Variants in GBP6 observed in about 807,000 individuals in gnomAD.
The protein encoded by GBP6 is guanylate binding protein family member 6.
A neutral mutation model predicts 61.5 loss-of-function variants in GBP6; 54 were observed. That is an observed-to-expected ratio of 0.88 (90% CI 0.71 to 1.10). GBP6 has a LOEUF of 1.10. Ranked by LOEUF, GBP6 falls within the 50% of genes least tolerant of loss-of-function variation. The pLI is 0.00. For missense variants in GBP6, 748 were observed against 752.8 expected, an observed-to-expected ratio of 0.99 and a Z score of 0.07; for synonymous variants, 255 against 273.7, an observed-to-expected ratio of 0.93 and a Z score of 0.67.
intron 1 of GBP6, among the ~76,000 whole-genome samples, chr1:89,365,513 C>T (rs1025885180): frequency 4.6e-5 from 7 of 152,168 alleles, no homozygotes; most frequent in Non-Finnish European, 7.3e-5. Context: ...ACAGCAACAG[C>T]GTGCTTGAAC....
chr1:89,375,632 T>C (rs1460099408), intron 3 of GBP6, among the ~76,000 whole-genome samples: 2 of 152,202 alleles, frequency 1.3e-5, no homozygotes, highest in Non-Finnish European at 2.9e-5. Flanking sequence ...TTATATAAGT[T>C]CCTCATGTAT....
At position 89,366,650 on chromosome 1, in the gene GBP6, G is replaced by C. The variant is rs115639746; in HGVS notation, c.-23-1879G>C. On this transcript the variant is annotated intron_variant, in intron 1 of 10. Coordinates refer to ENST00000370456, the MANE Select transcript of GBP6 (RefSeq NM_198460.3). ...GCAGTAGCATAACACAGAGGAATAG[G>C]TTGCCCGATTATCCAGGCTTTTGTC... Among the ~76,000 whole-genome samples, 487 of 152,238 alleles carry C rather than the reference G, an allele frequency of 3.2e-3. 1 individual carries two copies. Among genetic ancestry groups the C allele is most frequent in the African/African-American group, 9.1e-3 (378 of 41,546 alleles).
rs192322127 is a variant in GBP6, at chr1:89,383,648, A to G, written c.1366-4A>G. 4.1e-5 allele frequency: 66 copies of G among 1,593,514 alleles called. No homozygotes were observed. In the East Asian group the frequency reaches 1.1e-3, roughly 26 times the overall value. ...AATCTAAGTGCTTTTTCTTCCTTCC[A>G]TAGGCAAAAGAGGTCTTCCAGAGGT... On this transcript the variant is annotated splice_region_variant and splice_polypyrimidine_tract_variant and intron_variant, in intron 8 of 10. Coordinates refer to ENST00000370456, the MANE Select transcript of GBP6 (RefSeq NM_198460.3).
At chr1:89,364,630 T>C (rs1296513629) in intron 1 of GBP6, among the ~76,000 whole-genome samples, 1 of 127,096 alleles carries the variant, frequency 7.9e-6, no homozygotes, top group African/African-American at 3.0e-5. Context: ...TGTGTGCGTG[T>C]GTGTGTGTGT....
chr1:89,365,053 C>T (rs1006034974), intron 1 of GBP6, among the ~76,000 whole-genome samples: 1 of 150,644 alleles, frequency 6.6e-6, no homozygotes, highest in African/African-American at 2.4e-5. Flanking sequence ...TCAACTCCCA[C>T]TTACCAGTTA....
Position 89,387,805 on chromosome 1 carries a change from C to T in GBP6, c.*2336C>T, listed in dbSNP as rs142903604. On this transcript the variant is annotated 3_prime_UTR_variant, in exon 11 of 11. Coordinates refer to ENST00000370456, the MANE Select transcript of GBP6 (RefSeq NM_198460.3). ...AAAATTAACCAAGTGTGGTGGCACACGCCTGTCATGCCAGCTACACAGGAG... is the reference window on the plus strand; with the variant it reads ...AAAATTAACCAAGTGTGGTGGCACATGCCTGTCATGCCAGCTACACAGGAG... 9.2e-5 allele frequency among the ~76,000 whole-genome samples: 14 copies of T among 152,294 alleles called. No homozygotes were observed. The highest frequency in any genetic ancestry group is 2.4e-4 in the African/African-American group (10 of 41,554).
rs747228403 is a variant in GBP6 at position 89,382,850 on chromosome 1, T to A, written c.1339T>A (p.Trp447Arg). Residue 447 changes from tryptophan (W) to arginine (R), a missense_variant, in exon 8 of 11, where the codon TGG (tryptophan) becomes AGG (arginine). Transcript: ENST00000370456. ...ETKERIEQDY[W>R]QVPRKGVKAK... is the part of the protein sequence containing the mutation. The stretch of plus-strand genomic sequence containing the variant: ...AAAGGAAAGGATTGAACAGGACTAT[T>A]GGCAAGTTCCCAGGAAAGGAGTAAA... The A allele has an allele frequency of 6.2e-7, 1 of 1,613,802 alleles. No homozygotes were observed. Among genetic ancestry groups the A allele is most frequent in the Admixed American group, 1.7e-5 (1 of 60,022 alleles).
intron 3 of GBP6, among the ~76,000 whole-genome samples, chr1:89,374,934 C>T (rs59519382): frequency 0.054 from 8,195 of 152,138 alleles, 488 homozygotes; most frequent in East Asian, 0.3. Context: ...CCCACACCCT[C>T]CCCTAATCCC....
rs1342609061 is a variant in GBP6, at chr1:89,387,109, A to G, written c.*1640A>G. 3.3e-5 allele frequency among the ~76,000 whole-genome samples: 5 copies of G among 152,314 alleles called. No individual in the cohort carries two copies. In the East Asian group the frequency reaches 9.6e-4, roughly 29 times the overall value. ...TGAGCTAATTTCAGACCCTGAACTC[A>G]GTTGGAGTGGAGGGCAGTACCCCAG... On this transcript the variant is annotated 3_prime_UTR_variant, in exon 11 of 11. Transcript: ENST00000370456.
intron 6 of GBP6, 114 bp downstream of exon 6, chr1:89,380,745 A>G: frequency 1.1e-6 from 1 of 881,714 alleles, no homozygotes; most frequent in Non-Finnish European, 1.7e-6. Flanking sequence ...GTATACAGGT[A>G]TTCACACTCA....
intron 5 of GBP6, among the ~76,000 whole-genome samples, chr1:89,379,570 C>T (rs1485363548): frequency 6.6e-6 from 1 of 152,176 alleles, no homozygotes; most frequent in Non-Finnish European, 1.5e-5. Context: ...TCGGAATATT[C>T]ATTTTACTTT....
At chr1:89,385,153 G>A (rs370760311) in intron 10 of GBP6, 77 bp from the exon 11 acceptor site, 1 of 1,331,412 alleles carries the variant, frequency 7.5e-7, no homozygotes, top group Non-Finnish European at 1.0e-6. Flanking sequence ...GTTTCACACA[G>A]GTTTTAAATA....
At chr1:89,364,697 A>T (rs1652415389) in intron 1 of GBP6, among the ~76,000 whole-genome samples, 1 of 151,000 alleles carries the variant, frequency 6.6e-6, no homozygotes, top group African/African-American at 2.4e-5. Context: ...AGTTTCCCAT[A>T]GGAACATCAG....
intron 1 of GBP6, among the ~76,000 whole-genome samples, chr1:89,366,942 A>G (rs1372338945): frequency 6.6e-6 from 1 of 152,222 alleles, no homozygotes; most frequent in South Asian, 2.1e-4. Flanking sequence ...TTCACTTGGC[A>G]TAATGTCTTC....
rs565250478 is a variant in GBP6, at chr1:89,378,095, C to A, written c.319-8C>A. Reference sequence around the variant, plus strand: ...CTCCTAAGTCCTTTGCTCTAATGTGCTTTTTAGGGTGACCCTAAGAATGAC... The same window carrying A: ...CTCCTAAGTCCTTTGCTCTAATGTGATTTTTAGGGTGACCCTAAGAATGAC... On this transcript the variant is annotated splice_region_variant and splice_polypyrimidine_tract_variant and intron_variant, in intron 3 of 10. Coordinates refer to ENST00000370456, the MANE Select transcript of GBP6 (RefSeq NM_198460.3). The A allele has an allele frequency of 6.2e-7, 1 of 1,609,850 alleles. No homozygotes were observed. The highest frequency in any genetic ancestry group is 8.5e-7 in the Non-Finnish European group (1 of 1,178,684).
Position 89,384,111 on chromosome 1 carries a change from A to G in GBP6, c.1487A>G (p.Glu496Gly), listed in dbSNP as rs1653066893. ...GGAGCAGTGGATCGGGCCAAGAAGG[A>G]GGCAGCTGAGAAGGAACAGGAACTT... ...KAVAVDRAKK[E>G]AAEKEQELLK... Residue 496 changes from glutamate (E) to glycine (G), a missense_variant, in exon 10 of 11, where the codon GAG becomes GGG. Glu to Gly is a moderately conservative substitution (Grantham distance 98). Transcript: ENST00000370456. 1 of 1,612,640 alleles carries G rather than the reference A, an allele frequency of 6.2e-7. No individual in the cohort carries two copies. The highest frequency in any genetic ancestry group is 8.5e-7 in the Non-Finnish European group (1 of 1,179,464).
chr1:89,364,490 C>T (rs1652403417), intron 1 of GBP6, among the ~76,000 whole-genome samples: 1 of 152,210 alleles, frequency 6.6e-6, no homozygotes, highest in South Asian at 2.1e-4. Flanking sequence ...AGTTTCTTGT[C>T]TATCTTTCTA....
chr1:89,371,143 G>C (rs565940523), intron 3 of GBP6, among the ~76,000 whole-genome samples: 1 of 152,100 alleles, frequency 6.6e-6, no homozygotes, highest in Non-Finnish European at 1.5e-5. Flanking sequence ...CGACCTCAGT[G>C]TTCATCTATG....
At position 89,388,057 on chromosome 1, in the gene GBP6, AT is replaced by A. The variant is rs903473746; in HGVS notation, c.*2597del. Reference sequence around the variant, plus strand: ...TCTGTGAAACTGGGCCAAAGATAGAATTTTTTTTTCTGTGCTTTATACAGTG... The same window carrying A: ...TCTGTGAAACTGGGCCAAAGATAGAATTTTTTTTCTGTGCTTTATACAGTG... On this transcript the variant is annotated 3_prime_UTR_variant, in exon 11 of 11. Coordinates refer to ENST00000370456, the MANE Select transcript of GBP6 (RefSeq NM_198460.3). 2.6e-5 allele frequency among the ~76,000 whole-genome samples: 4 copies of A among 151,618 alleles called. No individual in the cohort carries two copies. The highest frequency in any genetic ancestry group is 6.6e-5 in the Admixed American group (1 of 15,208).
Sources: gnomAD v4.1 joint callset for allele counts (sites outside exome capture counted in the v4.1 genomes callset) on GRCh38, gnomAD v4.1.1 for gene constraint, MANE v1.5 for transcripts, NCBI Gene and HGNC (gene_info 2026-07-23, HGNC 2026-07-21) for gene names.